Variants in IFIH1 observed in about 807,000 individuals in gnomAD.
IFIH1 encodes interferon induced with helicase C domain 1, also known as interferon-induced helicase C domain-containing protein 1.
Under a neutral mutation model 107.4 loss-of-function variants are expected in IFIH1, and 125 were observed. That is an observed-to-expected ratio of 1.16 (90% CI 1.01 to 1.35). The LOEUF (loss-of-function observed/expected upper bound fraction) is 1.35, where lower values mean the gene tolerates loss of function less well. Among genes scored for constraint, IFIH1 ranks in the 40% most tolerant of loss-of-function variants. The pLI is 0.00. For missense variants in IFIH1, 1,333 were observed against 1,213.7 expected, an observed-to-expected ratio of 1.10 and a Z score of -1.46; for synonymous variants, 458 against 413.2, an observed-to-expected ratio of 1.11 and a Z score of -1.31.
chr2:162,304,503 G>A (rs1331445785), intron 3 of IFIH1, among the ~76,000 whole-genome samples: 1 of 151,790 alleles, frequency 6.6e-6, no homozygotes, highest in East Asian at 1.9e-4. Flanking sequence ...AAAAGAAAAA[G>A]AGAAAAATCC....
In IFIH1 at chr2:162,276,830, C is replaced by G. The variant is rs2105196666; in HGVS notation, c.2161G>C (p.Gly721Arg). ...TGTCGTGTTTTTGTAAAGATTATTC[C>G]TCGTGCTGATTCCTCAGTCCTAGTA... ...QYTRTEESAR[G>R]IIFTKTRQSA... is the part of the protein sequence containing the mutation. The change falls in exon 11 of 16, where the codon GGA becomes CGA. Residue 721 changes from glycine to arginine, a missense_variant. Transcript: ENST00000649979. 1 of 1,613,918 alleles carries G rather than the reference C, an allele frequency of 6.2e-7. No individual in the cohort carries two copies. The highest frequency in any genetic ancestry group is 8.5e-7 in the Non-Finnish European group (1 of 1,179,906).
At chr2:162,267,950 G>A (rs192791400) in intron 14 of IFIH1, 137 bp downstream of exon 14, 1 of 588,924 alleles carries the variant, frequency 1.7e-6, no homozygotes, top group African/African-American at 1.9e-5. Context: ...TTTAAAATAG[G>A]AATATAATTG....
chr2:162,298,713 T>A (rs539273730), intron 3 of IFIH1, among the ~76,000 whole-genome samples: 1 of 152,282 alleles, frequency 6.6e-6, no homozygotes, highest in East Asian at 1.9e-4. Flanking sequence ...AATAACTTAA[T>A]CTTTTTTGAG....
chr2:162,303,314 C>T (rs1485341460), intron 3 of IFIH1, among the ~76,000 whole-genome samples: 2 of 152,140 alleles, frequency 1.3e-5, no homozygotes, highest in Non-Finnish European at 2.9e-5. Flanking sequence ...TAGGGCTTCA[C>T]CATGGTGGTC....
In IFIH1 at chr2:162,280,047, G is replaced by T; in HGVS notation, c.1590C>A (p.Asn530Lys). ...TVKENLDQLK[N>K]QIQEPCKKFA... Reference sequence around the variant, plus strand: ...ACTTCTTGCATGGCTCCTGTATTTGGTTTTTCAGTTGATCAAGGTTTTCTT... The same window carrying T: ...ACTTCTTGCATGGCTCCTGTATTTGTTTTTTCAGTTGATCAAGGTTTTCTT... The change falls in exon 8 of 16, where the codon AAC becomes AAA. Residue 530 changes from asparagine (N) to lysine (K), a missense_variant. Coordinates refer to ENST00000649979, the MANE Select transcript of IFIH1 (RefSeq NM_022168.4). The T allele has an allele frequency of 6.2e-7, 1 of 1,611,522 alleles. No individual in the cohort carries two copies. Among genetic ancestry groups the T allele is most frequent in the African/African-American group, 1.3e-5 (1 of 74,886 alleles).
Position 162,268,153 on chromosome 2 carries a change from G to C in IFIH1, c.2741C>G (p.Ala914Gly), listed in dbSNP as rs759356432. 1.2e-6 allele frequency: 2 copies of C among 1,613,830 alleles called. No individual in the cohort carries two copies. The highest frequency in any genetic ancestry group is 2.2e-5 in the East Asian group (1 of 44,854). ...TACATGGATATCTTCCCCAGAACAG[G>C]CTAGCACACTGCAGTTTTTGCAAAG... ...TFLCKNCSVL[A>G]CSGEDIHVIE... The change falls in exon 14 of 16, where the codon GCC becomes GGC. Residue 914 changes from alanine (A) to glycine (G), a missense_variant. By Grantham distance (60) the Ala-to-Gly change is moderately conservative. Coordinates refer to ENST00000649979, the MANE Select transcript of IFIH1 (RefSeq NM_022168.4).
chr2:162,289,023 T>G (rs1392556790), intron 4 of IFIH1, among the ~76,000 whole-genome samples: 2 of 151,712 alleles, frequency 1.3e-5, no homozygotes, highest in Non-Finnish European at 2.9e-5. Context: ...AAGTGTTATT[T>G]AGAGAGTAGA....
chr2:162,276,800 C>A lies in IFIH1; in HGVS notation c.2191G>T (p.Ala731Ser), dbSNP rs774309855. Residue 731 changes from alanine to serine, a missense_variant, in exon 11 of 16, where the codon GCA (alanine) becomes TCA (serine). Ala to Ser is a moderately conservative substitution (Grantham distance 99). Coordinates refer to ENST00000649979, the MANE Select transcript of IFIH1 (RefSeq NM_022168.4). ...GTAATCCACTGGGAAAGCGCATATG[C>A]ACTCTGTCGTGTTTTTGTAAAGATT... ...GIIFTKTRQS[A>S]YALSQWITEN... 5 of 1,613,898 alleles carry A rather than the reference C, an allele frequency of 3.1e-6. No individual in the cohort carries two copies. The highest frequency in any genetic ancestry group is 1.3e-5 in the African/African-American group (1 of 74,908).
At chr2:162,274,371 T>C (rs1025881570) in intron 11 of IFIH1, among the ~76,000 whole-genome samples, 1 of 152,188 alleles carries the variant, frequency 6.6e-6, no homozygotes, top group African/African-American at 2.4e-5. Flanking sequence ...ATATATTGTT[T>C]TCAGTCACAG....
At chr2:162,305,958 A>T (rs1683274282) in intron 3 of IFIH1, among the ~76,000 whole-genome samples, 1 of 152,184 alleles carries the variant, frequency 6.6e-6, no homozygotes, top group Non-Finnish European at 1.5e-5. Flanking sequence ...GAATATTTAA[A>T]CCACAGAGAC....
intron 4 of IFIH1, among the ~76,000 whole-genome samples, chr2:162,290,865 C>A (rs1682985188): frequency 6.6e-6 from 1 of 151,964 alleles, no homozygotes; most frequent in Non-Finnish European, 1.5e-5. Flanking sequence ...TGCCTTATCA[C>A]ATCCTCTGAC....
At chr2:162,272,482 A>G (rs973924100) in intron 12 of IFIH1, 95 bp from the exon 13 acceptor site, 2 of 1,077,722 alleles carry the variant, frequency 1.9e-6, no homozygotes, top group African/African-American at 3.2e-5. Context: ...TCAGAATGAA[A>G]TGATATTGGG....
Position 162,318,098 on chromosome 2 carries a change from G to T in IFIH1, c.210C>A (p.Val70=). 1.2e-6 allele frequency: 2 copies of T among 1,614,168 alleles called. No homozygotes were observed. The highest frequency in any genetic ancestry group is 3.3e-4 in the Middle Eastern group (2 of 6,062). ...ATTCCCGAGTCCAACCAAGGTGCCA[G>T]ACTCCCTTCTCCAAGGTGCTCAGCA... ...ELLLSTLEKG[V]WHLGWTREFV... The change falls in exon 1 of 16, where the codon GTC becomes GTA. Residue 70 remains valine, a synonymous_variant. Coordinates refer to ENST00000649979, the MANE Select transcript of IFIH1 (RefSeq NM_022168.4).
intron 1 of IFIH1, among the ~76,000 whole-genome samples, 185 bp from the exon 2 acceptor site, chr2:162,311,118 C>T (rs530432154): frequency 5.4e-4 from 80 of 147,706 alleles, no homozygotes; most frequent in Middle Eastern, 3.4e-3. Flanking sequence ...AAAAAATCTC[C>T]GGGACAACAA....
Position 162,282,465 on chromosome 2 carries a change from C to T in IFIH1, c.1207G>A (p.Val403Ile). Residue 403 changes from valine to isoleucine, a missense_variant, in exon 6 of 16, where the codon GTT (valine) becomes ATT (isoleucine). Val to Ile is a conservative substitution (Grantham distance 29, BLOSUM62 3). Coordinates refer to ENST00000649979, the MANE Select transcript of IFIH1 (RefSeq NM_022168.4). ...ATAATAATATCACAGGACTTGACAA[C>T]TTCTGGAAATGATATTTTCAGTTGG... ...DTQLKISFPE[V>I]VKSCDIIIST... 3.7e-6 allele frequency: 6 copies of T among 1,611,522 alleles called. No individual in the cohort carries two copies. The highest frequency in any genetic ancestry group is 5.1e-6 in the Non-Finnish European group (6 of 1,178,248).
At position 162,276,777 on chromosome 2, in the gene IFIH1, A is replaced by G. The variant is rs747471336; in HGVS notation, c.2214T>C (p.Ile738=). 1 of 1,614,000 alleles carries G rather than the reference A, an allele frequency of 6.2e-7. No individual in the cohort carries two copies. The highest frequency in any genetic ancestry group is 1.1e-5 in the South Asian group (1 of 91,088). The change falls in exon 11 of 16, where the codon ATT becomes ATC. Residue 738 remains isoleucine, a synonymous_variant. Transcript: ENST00000649979. The part of the protein sequence containing the change: ...RQSAYALSQW[I]TENEKFAEVG... ...CTTCAGCAAATTTTTCATTTTCAGT[A>G]ATCCACTGGGAAAGCGCATATGCAC...
At chr2:162,297,437 C>T (rs1020571502) in intron 3 of IFIH1, among the ~76,000 whole-genome samples, 52 of 151,998 alleles carry the variant, frequency 3.4e-4, no homozygotes, top group African/African-American at 1.0e-3. Flanking sequence ...GTCTCCAGAT[C>T]GAACGTAGCC....
chr2:162,314,473 T>TTTCC (rs1683449372), intron 1 of IFIH1, among the ~76,000 whole-genome samples: 1 of 135,652 alleles, frequency 7.4e-6, no homozygotes, highest in African/African-American at 3.4e-5. Flanking sequence ...TCTTTCTTTC[T>TTTCC]TTCTTTCTTT....
chr2:162,279,918 C>T, intron 8 of IFIH1, 78 bp downstream of exon 8: 1 of 808,868 alleles, frequency 1.2e-6, no homozygotes, highest in Non-Finnish European at 2.1e-6. Context: ...TTCAGATGGT[C>T]AGTATAAAAT....
Sources: gnomAD v4.1 joint callset for allele counts (sites outside exome capture counted in the v4.1 genomes callset) on GRCh38, gnomAD v4.1.1 for gene constraint, MANE v1.5 for transcripts, NCBI Gene and HGNC (gene_info 2026-07-23, HGNC 2026-07-21) for gene names.